IL31RA: variants seen among roughly 807,000 people sequenced by gnomAD.
IL31RA encodes interleukin 31 receptor A, also known as interleukin-31 receptor subunit alpha.
IL31RA carries 66 observed loss-of-function variants against 83.7 expected under a neutral mutation model. That is an observed-to-expected ratio of 0.79 (90% CI 0.65 to 0.97). The LOEUF is 0.97. Ranked by LOEUF, IL31RA falls within the 50% of genes least tolerant of loss-of-function variation. The probability of loss-of-function intolerance (pLI) is 0.00; values close to 1 mark genes in which losing one functional copy is unlikely to be tolerated. For synonymous variants in IL31RA, 325 were observed against 329.0 expected (o/e 0.99, Z 0.13); for missense variants, 798 against 919.4 (o/e 0.87, Z 1.71).
intron 4 of IL31RA, among the ~76,000 whole-genome samples, chr5:55,873,212 A>G (rs1746642501): frequency 1.3e-5 from 2 of 152,172 alleles, no homozygotes; most frequent in Admixed American, 1.3e-4. Context: ...TTCAAGGTTC[A>G]TCAATGTTGT....
chr5:55,852,920 G>T (rs1317355648), intron 1 of IL31RA, among the ~76,000 whole-genome samples: 1 of 152,188 alleles, frequency 6.6e-6, no homozygotes, highest in Non-Finnish European at 1.5e-5. Flanking sequence ...AAGATTAAAA[G>T]AGATAATTAA....
At chr5:55,898,347 G>A (rs1391319350) in intron 7 of IL31RA, among the ~76,000 whole-genome samples, 2 of 59,306 alleles carry the variant, frequency 3.4e-5, no homozygotes, top group Admixed American at 5.0e-4. Flanking sequence ...ACCTTCAAAA[G>A]GAAAGAGCTC....
At chr5:55,901,223 C>T (rs557564186) in intron 8 of IL31RA, among the ~76,000 whole-genome samples, 4 of 152,284 alleles carry the variant, frequency 2.6e-5, no homozygotes, top group South Asian at 2.1e-4. Context: ...TCCTAGTTCC[C>T]GCCTGTCCAA....
At chr5:55,899,355 A>G (rs907788178) in intron 7 of IL31RA, among the ~76,000 whole-genome samples, 1 of 152,226 alleles carries the variant, frequency 6.6e-6, no homozygotes, top group Non-Finnish European at 1.5e-5. Flanking sequence ...TAAAGTCCTC[A>G]GGATTCCACC....
chr5:55,890,162 C>T (rs926017667), intron 6 of IL31RA, 27 bp downstream of exon 6: 15 of 1,610,188 alleles, frequency 9.3e-6, no homozygotes, highest in African/African-American at 1.3e-5. Flanking sequence ...GATTCCCGTC[C>T]TGTCTGCTCT....
At chr5:55,861,072 C>T (rs1745651930) in intron 2 of IL31RA, among the ~76,000 whole-genome samples, 1 of 152,200 alleles carries the variant, frequency 6.6e-6, no homozygotes, top group African/African-American at 2.4e-5. Flanking sequence ...AGTGCTCTAT[C>T]TCCAAATATA....
chr5:55,889,776 G>A (rs1195827756), intron 5 of IL31RA, among the ~76,000 whole-genome samples, 194 bp from the exon 6 acceptor site: 1 of 152,324 alleles, frequency 6.6e-6, no homozygotes, highest in East Asian at 1.9e-4. Flanking sequence ...GGTTCATGGG[G>A]ATGTTCATAT....
intron 4 of IL31RA, among the ~76,000 whole-genome samples, chr5:55,877,241 A>G (rs1746911934): frequency 6.6e-6 from 1 of 152,214 alleles, no homozygotes; most frequent in Admixed American, 6.5e-5. Context: ...CTCTACTCCT[A>G]CACAGCTTCA....
chr5:55,864,756 G>A (rs577795609), intron 2 of IL31RA, among the ~76,000 whole-genome samples: 18 of 143,056 alleles, frequency 1.3e-4, no homozygotes, highest in Middle Eastern at 4.0e-3. Flanking sequence ...CACACACCAC[G>A]TACACATACA....
Position 55,916,866 on chromosome 5 carries a change from C to G in IL31RA, c.2041C>G (p.Pro681Ala), listed in dbSNP as rs1203364196. 1 of 1,614,132 alleles carries G rather than the reference C, an allele frequency of 6.2e-7. No homozygotes were observed. The highest frequency in any genetic ancestry group is 2.2e-5 in the East Asian group (1 of 44,880). Residue 681 changes from proline (P) to alanine (A), a missense_variant, in exon 15 of 15, where the codon CCC becomes GCC. Coordinates refer to ENST00000652347, the MANE Select transcript of IL31RA (RefSeq NM_139017.7). ...GACCTGCCCCTTCAGGCCTGATTGT[C>G]CCCTGGGGAAAAGTTTTGAGGAGCT... is the stretch of plus-strand genomic sequence containing the variant. ...YVTCPFRPDC[P>A]LGKSFEELPV...
chr5:55,909,048 T>G, intron 11 of IL31RA: 1 of 251,792 alleles, frequency 4.0e-6, no homozygotes, highest in Non-Finnish European at 6.4e-6. Flanking sequence ...TCACTCCCCA[T>G]TCCTCTCCTC....
intron 2 of IL31RA, among the ~76,000 whole-genome samples, chr5:55,867,061 T>G (rs1746097697): frequency 6.6e-6 from 1 of 152,080 alleles, no homozygotes. Context: ...AAATTGCTCT[T>G]AGTTCTTAGT....
chr5:55,860,544 G>C (rs1745615187), intron 2 of IL31RA, among the ~76,000 whole-genome samples: 1 of 152,104 alleles, frequency 6.6e-6, no homozygotes, highest in South Asian at 2.1e-4. Flanking sequence ...TTTTTGTGTT[G>C]TTGTTATGGC....
chr5:55,868,735 A>G, intron 2 of IL31RA, 56 bp from the exon 3 acceptor site: 1 of 999,422 alleles, frequency 1.0e-6, no homozygotes. Flanking sequence ...TGCTGGCAAT[A>G]TTTATTGTGT....
intron 6 of IL31RA, among the ~76,000 whole-genome samples, chr5:55,890,795 CAGTG>C (rs1259090371): frequency 3.3e-5 from 5 of 152,106 alleles, no homozygotes; most frequent in African/African-American, 1.2e-4. Flanking sequence ...TTTTTAATGA[CAGTG>C]AGGAAAGGAA....
rs1749852046 is a variant in IL31RA, at chr5:55,917,361, A to G, written c.*241A>G. On this transcript the variant is annotated 3_prime_UTR_variant, in exon 15 of 15. Transcript: ENST00000652347. ...AACAGCAGTCTCTTTTCGTTTGTTC[A>G]GATACCAAGCTCTCACCGAGGCCTC... The G allele has an allele frequency of 1.5e-6, 2 of 1,367,988 alleles. No individual in the cohort carries two copies. Among genetic ancestry groups the G allele is most frequent in the South Asian group, 3.0e-5 (2 of 65,696 alleles). 84.7% of individuals were successfully genotyped at this position (1,367,988 alleles called of 1,614,324 possible).
intron 8 of IL31RA, chr5:55,902,462 A>AAC (rs1748884773): frequency 6.7e-6 from 1 of 149,998 alleles, no homozygotes; most frequent in Admixed American, 6.6e-5. Context: ...GTTTCTACAA[A>AAC]AAAAAAAAAA....
At chr5:55,912,958 C>A (rs1038813910) in intron 12 of IL31RA, among the ~76,000 whole-genome samples, 1 of 151,720 alleles carries the variant, frequency 6.6e-6, no homozygotes, top group Non-Finnish European at 1.5e-5. Flanking sequence ...CAGAGCAAGA[C>A]CCATCTCAAA....
chr5:55,905,314 A>G (rs893687780), intron 8 of IL31RA, among the ~76,000 whole-genome samples: 3 of 151,860 alleles, frequency 2.0e-5, no homozygotes, highest in African/African-American at 7.3e-5. Flanking sequence ...GTGAGGGGAG[A>G]GCATGCCCTG....
Sources: gnomAD v4.1 joint callset for allele counts (sites outside exome capture counted in the v4.1 genomes callset) on GRCh38, gnomAD v4.1.1 for gene constraint, MANE v1.5 for transcripts, NCBI Gene and HGNC (gene_info 2026-07-23, HGNC 2026-07-21) for gene names.